VPS4A: variants seen among roughly 807,000 people sequenced by gnomAD.
VPS4A encodes the protein vacuolar protein sorting 4 homolog A, also known as vacuolar protein sorting-associated protein 4A.
Under a neutral mutation model 52.3 loss-of-function variants are expected in VPS4A, and 20 were observed. That is an observed-to-expected ratio of 0.38 (90% CI 0.27 to 0.56). VPS4A has a LOEUF of 0.56. Ranked by LOEUF, VPS4A falls within the 20% of genes least tolerant of loss-of-function variation. The pLI is 0.72. For missense variants in VPS4A, 419 were observed against 575.9 expected (o/e 0.73, Z 2.79); for synonymous variants, 293 against 227.7 (o/e 1.29, Z -2.58).
At position 69,321,290 on chromosome 16, in the gene VPS4A, G is replaced by A. The variant is rs1191676349; in HGVS notation, c.1071+20G>A. On this transcript the variant is annotated intron_variant, in intron 9 of 10. Coordinates refer to ENST00000254950, the MANE Select transcript of VPS4A (RefSeq NM_013245.3). The surrounding 1 kb of genome is among the most constrained non-coding windows in gnomAD (Gnocchi z 4.5). ...AAAAAGGTGAGTGCCCGCGGCCACT[G>A]CTGAGAAAAATCTCATAGTAAGAGC... 5.2e-6 allele frequency: 8 copies of A among 1,546,958 alleles called. No individual in the cohort carries two copies. The highest frequency in any genetic ancestry group is 7.0e-6 in the Non-Finnish European group (8 of 1,144,610).
chr16:69,315,859 G>A (rs906092543), intron 1 of VPS4A, 149 bp from the exon 2 acceptor site: 5 of 648,714 alleles, frequency 7.7e-6, no homozygotes, highest in Admixed American at 6.0e-5. Flanking sequence ...TCTAGCCGAT[G>A]TTGAAAAAGT....
intron 1 of VPS4A, among the ~76,000 whole-genome samples, chr16:69,314,283 T>C (rs998633536): frequency 6.6e-6 from 1 of 151,974 alleles, no homozygotes; most frequent in Admixed American, 6.6e-5. Context: ...CACTCTTAGG[T>C]GTATTACTAG....
intron 10 of VPS4A, 67 bp downstream of exon 10, chr16:69,322,767 G>C: frequency 2.0e-6 from 3 of 1,537,062 alleles, no homozygotes; most frequent in East Asian, 2.3e-5. Context: ...TTTGGGTCCA[G>C]AATAAAAACG....
chr16:69,318,268 C>G (rs867578139), intron 3 of VPS4A, among the ~76,000 whole-genome samples: 1 of 152,320 alleles, frequency 6.6e-6, no homozygotes. Flanking sequence ...CCACCGCACC[C>G]AGCCTGGGCT....
intron 1 of VPS4A, among the ~76,000 whole-genome samples, chr16:69,313,985 C>CTTTTTTT (rs71383985): frequency 3.4e-5 from 4 of 118,664 alleles, no homozygotes; most frequent in Non-Finnish European, 6.9e-5. Flanking sequence ...CCAGTGCACT[C>CTTTTTTT]TTTTTTTTTT....
At chr16:69,313,730 G>T (rs543226134) in intron 1 of VPS4A, among the ~76,000 whole-genome samples, 1 of 152,118 alleles carries the variant, frequency 6.6e-6, no homozygotes, top group South Asian at 2.1e-4. Context: ...GAGTTGAGTC[G>T]TTGCTACAGA....
At chr16:69,317,168 A>T (rs1417087867) in intron 3 of VPS4A, among the ~76,000 whole-genome samples, 1 of 152,168 alleles carries the variant, frequency 6.6e-6, no homozygotes, top group African/African-American at 2.4e-5. Flanking sequence ...GCAGGGGTGG[A>T]GGCCAGGGAT....
At chr16:69,312,991 T>A (rs1229222475) in intron 1 of VPS4A, among the ~76,000 whole-genome samples, 1 of 151,596 alleles carries the variant, frequency 6.6e-6, no homozygotes, top group African/African-American at 2.4e-5. Context: ...TTATTAATTT[T>A]TTTTTTTGAG....
At chr16:69,315,410 G>A (rs568947229) in intron 1 of VPS4A, among the ~76,000 whole-genome samples, 101 of 152,248 alleles carry the variant, frequency 6.6e-4, no homozygotes, top group African/African-American at 1.9e-3. Context: ...GTGTGTAAGC[G>A]TCCCTTCCCA....
intron 10 of VPS4A, among the ~76,000 whole-genome samples, chr16:69,323,876 G>T (rs1389616306): frequency 6.6e-6 from 1 of 151,442 alleles, no homozygotes; most frequent in Non-Finnish European, 1.5e-5. Context: ...CTTGAACCGA[G>T]GAGGTGGAGG....
At chr16:69,315,320 G>C (rs532716436) in intron 1 of VPS4A, among the ~76,000 whole-genome samples, 1 of 152,370 alleles carries the variant, frequency 6.6e-6, no homozygotes, top group South Asian at 2.1e-4. Context: ...GAAGGTTCCA[G>C]AGGGACACAG....
intron 5 of VPS4A, 21 bp from the exon 6 acceptor site, chr16:69,319,366 T>C: frequency 1.9e-6 from 3 of 1,613,268 alleles, no homozygotes; most frequent in South Asian, 1.1e-5. Flanking sequence ...GAGGCCTAAC[T>C]TCTGTGGTTC....
At position 69,316,038 on chromosome 16, in the gene VPS4A, G is replaced by A. The variant is rs757227102; in HGVS notation, c.52G>A (p.Glu18Lys). The A allele has an allele frequency of 6.2e-7, 1 of 1,613,600 alleles. No homozygotes were observed. The highest frequency in any genetic ancestry group is 1.1e-5 in the South Asian group (1 of 91,086). The change falls in exon 2 of 11, where the codon GAG becomes AAG. Residue 18 changes from glutamate to lysine, a missense_variant. Coordinates refer to ENST00000254950, the MANE Select transcript of VPS4A (RefSeq NM_013245.3). ...CATTGATCTGGTGACGAAAGCCACAGAGGAGGACAAAGCCAAGAACTACGA... is the reference window on the plus strand; with the variant it reads ...CATTGATCTGGTGACGAAAGCCACAAAGGAGGACAAAGCCAAGAACTACGA... ...KAIDLVTKAT[E>K]EDKAKNYEEA...
Position 69,324,543 on chromosome 16 carries a change from G to A in VPS4A, c.*234G>A. 1 of 523,488 alleles carries A rather than the reference G, an allele frequency of 1.9e-6. No homozygotes were observed. Among genetic ancestry groups the A allele is most frequent in the Non-Finnish European group, 3.5e-6 (1 of 289,274 alleles). The allele number at this position is 523,488 out of a possible 1,614,324, so 32.4% of individuals were successfully genotyped here. On this transcript the variant is annotated 3_prime_UTR_variant, in exon 11 of 11. Transcript: ENST00000254950. ...GCTCTTCCTACTTCCTCCTCTCCTGGATGCTCATCAGCTCCTTCTGCCTCC... is the reference window on the plus strand; with the variant it reads ...GCTCTTCCTACTTCCTCCTCTCCTGAATGCTCATCAGCTCCTTCTGCCTCC...
At chr16:69,322,391 C>G (rs1965524260) in intron 9 of VPS4A, 169 bp from the exon 10 acceptor site, 2 of 601,034 alleles carry the variant, frequency 3.3e-6, no homozygotes, top group Non-Finnish European at 5.5e-6. Flanking sequence ...GAGTCCCATG[C>G]AAATCATGAG....
chr16:69,313,119 C>T (rs1050024580), intron 1 of VPS4A, among the ~76,000 whole-genome samples: 2 of 151,832 alleles, frequency 1.3e-5, no homozygotes, highest in Non-Finnish European at 1.5e-5. Flanking sequence ...GCTGGGATTA[C>T]AGGCACCTCC....
At chr16:69,314,768 C>G (rs968954531) in intron 1 of VPS4A, among the ~76,000 whole-genome samples, 1 of 152,090 alleles carries the variant, frequency 6.6e-6, no homozygotes, top group African/African-American at 2.4e-5. Context: ...AATGCCCCGG[C>G]CCTGCCAAGA....
rs754278458 is a variant in VPS4A, at chr16:69,321,385, A to C, written c.1071+115A>C. ...GGCTGCTCAGGTGACACAGTCTCTG[A>C]GGCCTCCTGGAGAGCCGAGGGCCAG... On this transcript the variant is annotated intron_variant, in intron 9 of 10. Transcript: ENST00000254950. This position sits in a 1 kb window ranked among gnomAD's most constrained non-coding sequence, Gnocchi z 4.5. The C allele has an allele frequency of 2.5e-6, 3 of 1,207,312 alleles. No homozygotes were observed. The highest frequency in any genetic ancestry group is 3.5e-6 in the Non-Finnish European group (3 of 866,854). The allele number at this position is 1,207,312 out of a possible 1,614,324, so 74.8% of individuals were successfully genotyped here.
intron 1 of VPS4A, among the ~76,000 whole-genome samples, chr16:69,314,418 G>C (rs1468774269): frequency 6.6e-6 from 1 of 152,080 alleles, no homozygotes; most frequent in Non-Finnish European, 1.5e-5. Flanking sequence ...CCAAGGTACT[G>C]GGGGTGTGTG....
Sources: allele counts gnomAD v4.1 joint callset (sites outside exome capture counted in the v4.1 genomes callset), GRCh38; gene constraint gnomAD v4.1.1; non-coding constraint Gnocchi (gnomAD v3.1); transcripts MANE v1.5; gene names NCBI Gene and HGNC (gene_info 2026-07-23, HGNC 2026-07-21).